ARRB1: variants seen among roughly 807,000 people sequenced by gnomAD.
ARRB1 encodes beta-arrestin-1.
Under a neutral mutation model 56.8 loss-of-function variants are expected in ARRB1, and 21 were observed. The ratio of observed to expected loss-of-function variants is 0.37; its 90% confidence interval spans 0.26 to 0.53. The LOEUF (loss-of-function observed/expected upper bound fraction) is 0.53. Ranked by LOEUF, ARRB1 falls within the 20% of genes least tolerant of loss-of-function variation. The pLI is 0.88. For synonymous variants in ARRB1, 210 were observed against 218.6 expected (o/e 0.96, Z 0.35); for missense variants, 424 against 553.7 (o/e 0.77, Z 2.35).
At chr11:75,316,837 G>A (rs1338824687) in intron 1 of ARRB1, among the ~76,000 whole-genome samples, 2 of 152,146 alleles carry the variant, frequency 1.3e-5, no homozygotes, top group Non-Finnish European at 2.9e-5. Context: ...GGAGGCTGAG[G>A]TGGGCAGATC....
chr11:75,308,510 C>T (rs1412246879), intron 1 of ARRB1, among the ~76,000 whole-genome samples: 1 of 152,198 alleles, frequency 6.6e-6, no homozygotes, highest in Non-Finnish European at 1.5e-5. Flanking sequence ...CTTTGGGAAG[C>T]CAAGGCGGGT....
intron 3 of ARRB1, 152 bp from the exon 4 acceptor site, chr11:75,284,431 GC>G: frequency 1.5e-6 from 1 of 653,132 alleles, no homozygotes; most frequent in Non-Finnish European, 2.5e-6. Flanking sequence ...GGGTGGCACT[GC>G]CCACCTCCAC....
At chr11:75,284,307 C>A in intron 3 of ARRB1, 28 bp from the exon 4 acceptor site, 1 of 1,586,344 alleles carries the variant, frequency 6.3e-7, no homozygotes, top group African/African-American at 1.3e-5. Context: ...AGTAAGCGGC[C>A]TCTCCCAACC....
Position 75,292,713 on chromosome 11 carries a change from C to G in ARRB1, c.21-2674G>C, listed in dbSNP as rs73490761. 5.6e-3 allele frequency among the ~76,000 whole-genome samples: 846 copies of G among 152,252 alleles called. 13 individuals are homozygous for G. The highest frequency in any genetic ancestry group is 0.019 in the African/African-American group (800 of 41,532). ...ACAACTGAGTCAGGGAAAACCATTCCAGGGACTGCTGGAAGGAGCGAGACA... is the reference window on the plus strand; with the variant it reads ...ACAACTGAGTCAGGGAAAACCATTCGAGGGACTGCTGGAAGGAGCGAGACA... On this transcript the variant is annotated intron_variant, in intron 1 of 15. Transcript: ENST00000420843.
intron 1 of ARRB1, among the ~76,000 whole-genome samples, chr11:75,324,230 T>TC (rs1947392938): frequency 6.6e-6 from 1 of 152,010 alleles, no homozygotes; most frequent in Non-Finnish European, 1.5e-5. Flanking sequence ...GCCCGCGCCC[T>TC]CCCCCCAGGT....
At chr11:75,314,896 C>T (rs1463841214) in intron 1 of ARRB1, among the ~76,000 whole-genome samples, 3 of 152,170 alleles carry the variant, frequency 2.0e-5, no homozygotes, top group Non-Finnish European at 4.4e-5. Context: ...CGTGAGCCAC[C>T]ACGCCCAGCC....
intron 1 of ARRB1, among the ~76,000 whole-genome samples, chr11:75,331,522 C>T (rs987904925): frequency 1.3e-5 from 2 of 151,682 alleles, no homozygotes; most frequent in African/African-American, 2.4e-5. Flanking sequence ...TTAACTGATG[C>T]CTTTATCTTG....
chr11:75,281,235 T>C, intron 6 of ARRB1, 93 bp from the exon 7 acceptor site: 2 of 1,235,768 alleles, frequency 1.6e-6, no homozygotes, highest in Non-Finnish European at 2.3e-6. Flanking sequence ...ACGAGGACAC[T>C]GGACAGGAAC....
At chr11:75,330,074 G>GA (rs1947496451) in intron 1 of ARRB1, among the ~76,000 whole-genome samples, 1 of 151,688 alleles carries the variant, frequency 6.6e-6, no homozygotes, top group South Asian at 2.1e-4. Context: ...AATTTGCACT[G>GA]AATGAATAAA....
chr11:75,315,439 G>C (rs951122704), intron 1 of ARRB1, among the ~76,000 whole-genome samples: 1 of 152,048 alleles, frequency 6.6e-6, no homozygotes, highest in Non-Finnish European at 1.5e-5. Context: ...CAGAAACTGC[G>C]TGGGTAACAT....
intron 1 of ARRB1, among the ~76,000 whole-genome samples, chr11:75,313,501 G>C (rs1947206692): frequency 6.6e-6 from 1 of 152,208 alleles, no homozygotes; most frequent in African/African-American, 2.4e-5. Flanking sequence ...CTAAGGCTGA[G>C]GACAAGAGAG....
intron 1 of ARRB1, among the ~76,000 whole-genome samples, chr11:75,304,528 TA>T (rs138476145): frequency 0.01 from 1,525 of 152,234 alleles, 18 homozygotes; most frequent in African/African-American, 0.033. Context: ...GTCACATTTT[TA>T]AGAATTTTGT....
At chr11:75,331,914 T>G (rs543485339) in intron 1 of ARRB1, among the ~76,000 whole-genome samples, 1 of 152,202 alleles carries the variant, frequency 6.6e-6, no homozygotes, top group South Asian at 2.1e-4. Context: ...CCGGATGGCC[T>G]GAGGCAACTG....
chr11:75,275,823 A>C (rs1277413966), intron 10 of ARRB1, among the ~76,000 whole-genome samples: 2 of 152,176 alleles, frequency 1.3e-5, no homozygotes, highest in Non-Finnish European at 2.9e-5. Context: ...TGTGAGTGCA[A>C]ATGCCTCCCC....
chr11:75,292,315 T>G (rs1256551245), intron 1 of ARRB1, among the ~76,000 whole-genome samples: 2 of 152,036 alleles, frequency 1.3e-5, no homozygotes, highest in African/African-American at 4.8e-5. Flanking sequence ...AATTTTTGTA[T>G]TTTTAGTAGA....
rs552827869 is a variant in ARRB1 at position 75,262,616 on chromosome 11, C to T, written c.*3547G>A. On this transcript the variant is annotated 3_prime_UTR_variant, in exon 16 of 16. Transcript: ENST00000420843. ...CATTTTCAACTTACAGAGCCCTGACCGCTGACTTTCATCTCATCTGGGCCT... is the reference window on the plus strand; with the variant it reads ...CATTTTCAACTTACAGAGCCCTGACTGCTGACTTTCATCTCATCTGGGCCT... 5 of 152,230 alleles carry T rather than the reference C, an allele frequency of 3.3e-5. No individual in the cohort carries two copies. Among genetic ancestry groups the T allele is most frequent in the African/African-American group, 9.7e-5 (4 of 41,448 alleles). 9.4% of individuals were successfully genotyped at this position (152,230 alleles called of 1,614,324 possible). A position where few individuals can be genotyped will look rare whatever the true frequency, so the allele number is the denominator to read the frequency against.
At chr11:75,271,641 G>T in intron 13 of ARRB1, 60 bp downstream of exon 13, 1 of 1,520,706 alleles carries the variant, frequency 6.6e-7, no homozygotes, top group Non-Finnish European at 8.9e-7. Context: ...GGTCAGTCAA[G>T]CCAATGGGCT....
intron 1 of ARRB1, among the ~76,000 whole-genome samples, chr11:75,327,219 G>A (rs552351166): frequency 2.1e-5 from 3 of 144,226 alleles, no homozygotes; most frequent in East Asian, 2.2e-4. Flanking sequence ...GGAGAATGGC[G>A]TGAACCCAAA....
chr11:75,266,191 G>A lies in ARRB1; in HGVS notation c.1229C>T (p.Thr410Ile), dbSNP rs1012944254. 5.0e-5 allele frequency: 81 copies of A among 1,614,102 alleles called. No individual in the cohort carries two copies. The highest frequency in any genetic ancestry group is 6.9e-5 in the Non-Finnish European group (81 of 1,180,038). ...TCTGTTGTTGAGCTGTGGAGAGCCG[G>A]TACCATCCTCCTCTTCCTCCTTGTC... ...KDDKEEEEDGTGSPQLNNR is the reference protein window; with the variant it reads ...KDDKEEEEDGIGSPQLNNR Residue 410 changes from threonine (T) to isoleucine (I), a missense_variant, in exon 16 of 16, where the codon ACC becomes ATC. By Grantham distance (89) the Thr-to-Ile change is moderately conservative (BLOSUM62 -1). Transcript: ENST00000420843.
Sources: gnomAD v4.1 joint callset for allele counts (sites outside exome capture counted in the v4.1 genomes callset) on GRCh38, gnomAD v4.1.1 for gene constraint, MANE v1.5 for transcripts, NCBI Gene and HGNC (gene_info 2026-07-23, HGNC 2026-07-21) for gene names.